ANO2: variants seen among roughly 807,000 people sequenced by gnomAD.
ANO2 encodes anoctamin 2.
In ANO2, 101 loss-of-function variants were observed where a neutral mutation model predicts 124.2. The ratio of observed to expected loss-of-function variants is 0.81; its 90% CI spans 0.69 to 0.96. ANO2 has a LOEUF of 0.96. ANO2 is among the 40% of genes least tolerant of loss of function. ANO2 has a pLI of 0.00. For missense variants in ANO2, 1,293 were observed against 1,274.5 expected (o/e 1.01, Z -0.22); for synonymous variants, 486 against 482.5 (o/e 1.01, Z -0.09).
chr12:5,651,681 C>G (rs934900875), intron 14 of ANO2, among the ~76,000 whole-genome samples: 2 of 152,194 alleles, frequency 1.3e-5, no homozygotes, highest in East Asian at 3.8e-4. Flanking sequence ...CATATAACCA[C>G]GACCACAATC....
rs893498449 is a variant in ANO2, at chr12:5,723,490, C to T, written c.1545+9030G>A. Among the ~76,000 whole-genome samples, 4 of 152,156 alleles carry T rather than the reference C, an allele frequency of 2.6e-5. No homozygotes were observed. The East Asian group carries it at 7.8e-4, about 30-fold the overall frequency. ...CTACCCATACATTTCCTTGCTACAT[C>T]CATTTCTCTTCTCCTACTCACCCAT... is the stretch of plus-strand genomic sequence containing the variant. On this transcript the variant is annotated intron_variant, in intron 14 of 24. Transcript: ENST00000682330.
chr12:5,662,098 C>T (rs929895722), intron 14 of ANO2, among the ~76,000 whole-genome samples: 19 of 152,354 alleles, frequency 1.2e-4, no homozygotes, highest in Non-Finnish European at 2.4e-4. Context: ...GGATGAACTT[C>T]AGACCCACTG....
At chr12:5,927,293 G>A (rs1942124314) in intron 1 of ANO2, among the ~76,000 whole-genome samples, 1 of 152,180 alleles carries the variant, frequency 6.6e-6, no homozygotes, top group Non-Finnish European at 1.5e-5. Flanking sequence ...GTGGCCTCAG[G>A]TGAGACCTCT....
chr12:5,629,203 A>T (rs1003552749), intron 16 of ANO2, among the ~76,000 whole-genome samples: 3 of 152,220 alleles, frequency 2.0e-5, no homozygotes, highest in Non-Finnish European at 4.4e-5. Context: ...AGCATTCTGC[A>T]AAGAGTTTTG....
intron 3 of ANO2, among the ~76,000 whole-genome samples, chr12:5,864,810 C>G (rs936913985): frequency 1.3e-5 from 2 of 152,190 alleles, no homozygotes; most frequent in Non-Finnish European, 2.9e-5. Context: ...CAGGATCAAC[C>G]TGTGAGCACC....
At chr12:5,607,225 G>T (rs1483890879) in intron 19 of ANO2, among the ~76,000 whole-genome samples, 1 of 151,962 alleles carries the variant, frequency 6.6e-6, no homozygotes, top group African/African-American at 2.4e-5. Flanking sequence ...TGTTCTCTCC[G>T]GTTTCACTCC....
At chr12:5,568,434 C>T (rs1188634439) in intron 23 of ANO2, among the ~76,000 whole-genome samples, 6 of 152,160 alleles carry the variant, frequency 3.9e-5, no homozygotes, top group African/African-American at 7.2e-5. Flanking sequence ...TCATGACCCA[C>T]TAAAGTGATT....
chr12:5,869,459 A>G (rs1955514364), intron 3 of ANO2, among the ~76,000 whole-genome samples: 1 of 152,202 alleles, frequency 6.6e-6, no homozygotes, highest in African/African-American at 2.4e-5. Flanking sequence ...TAAATCTTCA[A>G]TAAAAATGAG....
intron 24 of ANO2, among the ~76,000 whole-genome samples, chr12:5,563,977 G>C (rs1437334135): frequency 6.6e-6 from 1 of 152,200 alleles, no homozygotes; most frequent in Non-Finnish European, 1.5e-5. Flanking sequence ...TGGCTTTCTA[G>C]CAAGTGGTCA....
chr12:5,732,636 C>A lies in ANO2; in HGVS notation c.1435-6G>T. On this transcript the variant is annotated splice_polypyrimidine_tract_variant and splice_region_variant and intron_variant, in intron 13 of 24. Coordinates refer to ENST00000682330, the MANE Select transcript of ANO2 (RefSeq NM_001364791.2). ...TACTCAGGCCTGGAATGTTCCTAAA[C>A]CAAAGAGCAGTGAGTGGTTAGTAAA... The A allele has an allele frequency of 2.5e-6, 4 of 1,611,692 alleles. No homozygotes were observed. The highest frequency in any genetic ancestry group is 3.4e-6 in the Non-Finnish European group (4 of 1,178,384).
chr12:5,944,809 G>A (rs961896746), intron 1 of ANO2, among the ~76,000 whole-genome samples: 6 of 152,010 alleles, frequency 3.9e-5, no homozygotes, highest in African/African-American at 1.2e-4. Context: ...AGTCCGGCTG[G>A]TTGTTTACTT....
intron 10 of ANO2, among the ~76,000 whole-genome samples, chr12:5,752,679 CT>C (rs1187964695): frequency 6.6e-6 from 1 of 152,126 alleles, no homozygotes; most frequent in Non-Finnish European, 1.5e-5. Flanking sequence ...TGCATATTGA[CT>C]TTCACTCTGT....
chr12:5,812,243 G>A (rs1953413061), intron 7 of ANO2, among the ~76,000 whole-genome samples: 1 of 138,496 alleles, frequency 7.2e-6, no homozygotes, highest in Non-Finnish European at 1.6e-5. Flanking sequence ...AAGGGGAAGG[G>A]GAAGAGAGGG....
intron 3 of ANO2, among the ~76,000 whole-genome samples, chr12:5,920,741 C>T (rs919971082): frequency 6.6e-6 from 1 of 152,044 alleles, no homozygotes; most frequent in African/African-American, 2.4e-5. Context: ...GTGGCGGGCG[C>T]CTATAGTCCC....
At chr12:5,795,143 C>T (rs1451759745) in intron 10 of ANO2, among the ~76,000 whole-genome samples, 1 of 152,172 alleles carries the variant, frequency 6.6e-6, no homozygotes, top group African/African-American at 2.4e-5. Flanking sequence ...CTGTGCCTTG[C>T]AGTAGGAGGG....
chr12:5,609,493 G>T (rs116538441), intron 19 of ANO2, among the ~76,000 whole-genome samples: 2,970 of 152,232 alleles, frequency 0.02, 95 homozygotes, highest in African/African-American at 0.065. Flanking sequence ...CATTAAAAAT[G>T]ATATTATTTC....
At chr12:5,781,555 T>G (rs1025853892) in intron 10 of ANO2, among the ~76,000 whole-genome samples, 1 of 152,266 alleles carries the variant, frequency 6.6e-6, no homozygotes, top group African/African-American at 2.4e-5. Context: ...TTGGGCACCC[T>G]TAAAAAGGTC....
chr12:5,796,000 G>C (rs1338443031), intron 10 of ANO2, among the ~76,000 whole-genome samples: 1 of 152,092 alleles, frequency 6.6e-6, no homozygotes, highest in African/African-American at 2.4e-5. Flanking sequence ...TCAGCCACAA[G>C]CCATGTTTCT....
In ANO2 at chr12:5,598,920, C is replaced by T. The variant is rs968243428; in HGVS notation, c.2233+564G>A. Reference sequence around the variant, plus strand: ...AAGCCTTATCGAAAACAACTAGAGGCTCTGCAACTAGAAATACACCTCTCA... The same window carrying T: ...AAGCCTTATCGAAAACAACTAGAGGTTCTGCAACTAGAAATACACCTCTCA... On this transcript the variant is annotated intron_variant, in intron 20 of 24. Coordinates refer to ENST00000682330, the MANE Select transcript of ANO2 (RefSeq NM_001364791.2). Among the ~76,000 whole-genome samples the T allele has an allele frequency of 2.0e-5, 3 of 152,102 alleles. No individual in the cohort carries two copies. In the East Asian group the frequency reaches 5.8e-4, roughly 29 times the overall value.
Sources: allele counts gnomAD v4.1 joint callset (sites outside exome capture counted in the v4.1 genomes callset), GRCh38; gene constraint gnomAD v4.1.1; transcripts MANE v1.5; gene names NCBI Gene and HGNC (gene_info 2026-07-23, HGNC 2026-07-21).